GDF5: variants seen among roughly 807,000 people sequenced by gnomAD.
GDF5 encodes the protein growth/differentiation factor 5.
GDF5 carries 17 observed loss-of-function variants against 34.6 expected under a neutral mutation model. That is an observed-to-expected ratio of 0.49 (90% confidence interval 0.34 to 0.74). The LOEUF is 0.74. Among genes scored for constraint, GDF5 ranks in the 30% least tolerant of loss-of-function variants. The pLI is 0.01. For missense variants in GDF5, 616 were observed against 661.2 expected (o/e 0.93, Z 0.75); for synonymous variants, 332 against 290.7 (o/e 1.14, Z -1.44).
chr20:35,437,689 G>A lies in GDF5; in HGVS notation c.240C>T (p.Thr80=), dbSNP rs369738392. 6.0e-5 allele frequency: 97 copies of A among 1,614,026 alleles called. No individual in the cohort carries two copies. The highest frequency in any genetic ancestry group is 1.2e-4 in the Admixed American group (7 of 60,008). ...TNANARAKGG[T]GQTGGLTQPK... Reference sequence around the variant, plus strand: ...GCTGTGTCAGGCCTCCTGTCTGCCCGGTGCCTCCCTTTGCCCTGGCATTGG... The same window carrying A: ...GCTGTGTCAGGCCTCCTGTCTGCCCAGTGCCTCCCTTTGCCCTGGCATTGG... Residue 80 remains threonine, a synonymous_variant, in exon 1 of 2, where the codon ACC becomes ACT. Coordinates refer to ENST00000374369, the MANE Select transcript of GDF5 (RefSeq NM_000557.5).
chr20:35,437,383 A>C lies in GDF5; in HGVS notation c.546T>G (p.Asp182Glu). Residue 182 changes from aspartate (D) to glutamate (E), a missense_variant, in exon 1 of 2, where the codon GAT becomes GAG. Asp to Glu is a conservative substitution (Grantham distance 45, BLOSUM62 2). Coordinates refer to ENST00000374369, the MANE Select transcript of GDF5 (RefSeq NM_000557.5). ...YMLSLYRTLS[D>E]ADRKGGNSSV... ...TGCTGTTGCCTCCCTTTCTGTCAGC[A>C]TCGGACAGCGTCCTGTACAGCGAGA... The C allele has an allele frequency of 6.2e-7, 1 of 1,612,898 alleles. No homozygotes were observed. Among genetic ancestry groups the C allele is most frequent in the Non-Finnish European group, 8.5e-7 (1 of 1,179,014 alleles).
chr20:35,436,666 A>T (rs1019630808), intron 1 of GDF5, among the ~76,000 whole-genome samples: 2 of 152,132 alleles, frequency 1.3e-5, no homozygotes, highest in African/African-American at 4.8e-5. Context: ...GGCTCTCAGA[A>T]ACCACCCTGT....
At chr20:35,435,840 T>G (rs573821581) in intron 1 of GDF5, among the ~76,000 whole-genome samples, 1 of 152,350 alleles carries the variant, frequency 6.6e-6, no homozygotes, top group African/African-American at 2.4e-5. Context: ...ACGCATTATA[T>G]GTATAAATGA....
chr20:35,451,302 T>C (rs151031674), intron 1 of GDF5, among the ~76,000 whole-genome samples: 5,080 of 151,728 alleles, frequency 0.033, 127 homozygotes, highest in Middle Eastern at 0.075. Context: ...AGAGATGGAA[T>C]TTAGGATATA....
At position 35,438,094 on chromosome 20, in the gene GDF5, G is replaced by T; in HGVS notation, c.-166C>A. On this transcript the variant is annotated 5_prime_UTR_variant, in exon 1 of 2. Coordinates refer to ENST00000374369, the MANE Select transcript of GDF5 (RefSeq NM_000557.5). ...CCTCAGTCTGAGACTCTTGAAGTCT[G>T]CCGGGTGTGTGTTTGTATCCAGTCC... The T allele has an allele frequency of 1.3e-6, 1 of 755,802 alleles. No homozygotes were observed. Among genetic ancestry groups the T allele is most frequent in the Non-Finnish European group, 2.2e-6 (1 of 448,400 alleles). The allele number at this position is 755,802 out of a possible 1,614,324, so 46.8% of individuals were successfully genotyped here.
In GDF5 at chr20:35,437,436, G is replaced by A; in HGVS notation, c.493C>T (p.Pro165Ser). The change falls in exon 1 of 2, where the codon CCC (proline) becomes TCC (serine). Residue 165 changes from proline to serine, a missense_variant. Physicochemically the swap from Pro to Ser is moderately conservative, Grantham distance 74 (BLOSUM62 -1). Transcript: ENST00000374369. The stretch of plus-strand genomic sequence containing the variant: ...ATGTACTCGTGGGGTGTGATGGGGG[G>A]TGGGCGAAACGGCTCCTTGGGCTCT... Reference protein sequence around the residue: ...PREPKEPFRPPPITPHEYMLS... With the variant: ...PREPKEPFRPSPITPHEYMLS... The A allele has an allele frequency of 6.2e-7, 1 of 1,613,918 alleles. No individual in the cohort carries two copies. Among genetic ancestry groups the A allele is most frequent in the Non-Finnish European group, 8.5e-7 (1 of 1,179,816 alleles).
rs895019955 is a variant in GDF5, at chr20:35,437,975, C to G, written c.-47G>C. The stretch of plus-strand genomic sequence containing the variant: ...ACACCAAAGAGAACAGCGGCAGCAG[C>G]GAAGGTGCCTCTGGTTTGGCAGGAA... On this transcript the variant is annotated 5_prime_UTR_variant, in exon 1 of 2. Transcript: ENST00000374369. 4 of 1,609,006 alleles carry G rather than the reference C, an allele frequency of 2.5e-6. No individual in the cohort carries two copies. In the African/African-American group the frequency reaches 5.3e-5, roughly 22 times the overall value.
At chr20:35,439,758 G>T (rs150219772), upstream of GDF5, among the ~76,000 whole-genome samples, 1 of 152,194 alleles carries the variant, frequency 6.6e-6, no homozygotes, top group African/African-American at 2.4e-5. Flanking sequence ...TACATCCTGA[G>T]AAGTTTAGCT....
chr20:35,446,244 AG>A (rs1477173601), intron 1 of GDF5, among the ~76,000 whole-genome samples: 4 of 151,672 alleles, frequency 2.6e-5, no homozygotes, highest in Non-Finnish European at 5.9e-5. Flanking sequence ...CAGGAGGCAG[AG>A]GTTGCAGTGA....
upstream of GDF5, among the ~76,000 whole-genome samples, chr20:35,438,824 C>CGTGTGTGT (rs57641919): frequency 0.11 from 13,812 of 126,324 alleles, 936 homozygotes; most frequent in Admixed American, 0.14. Context: ...ATTTGTTATG[C>CGTGTGTGT]GTGTGTGTGT....
chr20:35,437,935 G>A lies in GDF5; in HGVS notation c.-7C>T. ...GGAGTTTGGGGAGTCTCATCCTCTG[G>A]CCAGCCGCTGAATGACACCAAAGAG... is the stretch of plus-strand genomic sequence containing the variant. On this transcript the variant is annotated 5_prime_UTR_variant, in exon 1 of 2. Transcript: ENST00000374369. 1.9e-6 allele frequency: 3 copies of A among 1,613,692 alleles called. No homozygotes were observed. The highest frequency in any genetic ancestry group is 2.5e-6 in the Non-Finnish European group (3 of 1,179,862).
intron 1 of GDF5, among the ~76,000 whole-genome samples, chr20:35,450,202 AGG>A (rs1276954346): frequency 6.6e-6 from 1 of 150,626 alleles, no homozygotes; most frequent in African/African-American, 2.4e-5. Flanking sequence ...GCTTCTCAGG[AGG>A]CTGAGGCACG....
chr20:35,449,111 G>A (rs2062522939), intron 1 of GDF5, among the ~76,000 whole-genome samples: 1 of 151,952 alleles, frequency 6.6e-6, no homozygotes, highest in African/African-American at 2.4e-5. Context: ...TGGAATCCCC[G>A]CCACCACCCC....
At chr20:35,448,425 T>G (rs1267560576) in intron 1 of GDF5, among the ~76,000 whole-genome samples, 4 of 141,998 alleles carry the variant, frequency 2.8e-5, no homozygotes, top group African/African-American at 1.0e-4. Context: ...TATATATATA[T>G]ATATAGTTAA....
At chr20:35,439,236 CT>C (rs1210665697), upstream of GDF5, among the ~76,000 whole-genome samples, 409 of 129,242 alleles carry the variant, frequency 3.2e-3, no homozygotes, top group African/African-American at 6.3e-3. Flanking sequence ...CCACATGACG[CT>C]TTTTTTTTTT....
chr20:35,443,398 T>A (rs1450444881), intron 1 of GDF5, among the ~76,000 whole-genome samples: 2 of 152,106 alleles, frequency 1.3e-5, no homozygotes, highest in Admixed American at 1.3e-4. Flanking sequence ...ATGGAAGTAA[T>A]CTCTGCAGCC....
Position 35,443,581 on chromosome 20 carries a change from G to A in GDF5, c.-397-2194C>T, listed in dbSNP as rs150770316. Reference sequence around the variant, plus strand: ...GGCTGGAGTGCAATGGCATGATATCGGCTCACTGCAACCTCTGCCTCCCAG... The same window carrying A: ...GGCTGGAGTGCAATGGCATGATATCAGCTCACTGCAACCTCTGCCTCCCAG... On this transcript the variant is annotated intron_variant, in intron 1 of 3. Coordinates refer to the GDF5 transcript ENST00000374372. Among the ~76,000 whole-genome samples, 508 of 151,832 alleles carry A rather than the reference G, an allele frequency of 3.3e-3. 3 individuals are homozygous for A. Among genetic ancestry groups the A allele is most frequent in the African/African-American group, 0.012 (495 of 41,360 alleles).
At chr20:35,441,834 T>C (rs2062498910), upstream of GDF5, among the ~76,000 whole-genome samples, 1 of 152,270 alleles carries the variant, frequency 6.6e-6, no homozygotes, top group South Asian at 2.1e-4. Flanking sequence ...ATGTGTTATT[T>C]ATCTTCATGA....
At chr20:35,438,705 A>G (rs973017922), upstream of GDF5, among the ~76,000 whole-genome samples, 1 of 152,134 alleles carries the variant, frequency 6.6e-6, no homozygotes, top group African/African-American at 2.4e-5. Flanking sequence ...ATGCTGAAGA[A>G]TGAGCTCAAA....
Sources: allele counts gnomAD v4.1 joint callset (sites outside exome capture counted in the v4.1 genomes callset), GRCh38; gene constraint gnomAD v4.1.1; transcripts MANE v1.5; gene names NCBI Gene and HGNC (gene_info 2026-07-23, HGNC 2026-07-21).